Variants in WWOX observed in about 807,000 individuals in gnomAD.
The protein encoded by WWOX is WW domain containing oxidoreductase, also known as WW domain-containing oxidoreductase.
Under a neutral mutation model 46.2 loss-of-function variants are expected in WWOX, and 69 were observed. The observed-to-expected ratio is 1.49, with a 90% CI of 1.23 to 1.82. The LOEUF is 1.82. Among genes scored for constraint, WWOX ranks in the 40% most tolerant of loss-of-function variants. The probability of loss-of-function intolerance (pLI) is 0.00; values close to 1 mark genes in which losing one functional copy is unlikely to be tolerated. For missense variants in WWOX, 919 were observed against 542.6 expected (o/e 1.69, Z -6.89); for synonymous variants, 359 against 202.6 (o/e 1.77, Z -6.56).
chr16:78,359,578 T>C lies in WWOX; in HGVS notation c.517-27282T>C, dbSNP rs189908991. ...GAGTTAGAATATGAGTTTTTCAGCA[T>C]CTTATAGCTTATGAGTTAAAGCAAG... On this transcript the variant is annotated intron_variant, in intron 5 of 8. Transcript: ENST00000566780. Among the ~76,000 whole-genome samples the C allele has an allele frequency of 2.0e-5, 3 of 152,344 alleles. No individual in the cohort carries two copies. In the East Asian group the frequency reaches 5.8e-4, roughly 29 times the overall value.
chr16:79,028,727 C>A (rs148515570), intron 8 of WWOX, among the ~76,000 whole-genome samples: 2 of 151,780 alleles, frequency 1.3e-5, no homozygotes, highest in Non-Finnish European at 2.9e-5. Flanking sequence ...CTCTAAACTT[C>A]TTTCCACAAG....
At chr16:78,592,893 G>A (rs779130930) in intron 8 of WWOX, among the ~76,000 whole-genome samples, 2 of 152,150 alleles carry the variant, frequency 1.3e-5, no homozygotes, top group Non-Finnish European at 2.9e-5. Flanking sequence ...AAACGAAAAG[G>A]TGGAGAGGGA....
At chr16:78,887,502 C>G (rs1226078855) in intron 8 of WWOX, among the ~76,000 whole-genome samples, 3 of 142,622 alleles carry the variant, frequency 2.1e-5, no homozygotes, top group Non-Finnish European at 3.1e-5. Context: ...CACACACACA[C>G]ACACACACAC....
chr16:78,816,539 A>G (rs557816250), intron 8 of WWOX, among the ~76,000 whole-genome samples: 1,087 of 100,318 alleles, frequency 0.011, 5 homozygotes, highest in Middle Eastern at 0.026. Flanking sequence ...TTTTGATACA[A>G]TGAGGGGAAA....
chr16:78,857,466 G>C (rs895252712), intron 8 of WWOX, among the ~76,000 whole-genome samples: 1 of 152,126 alleles, frequency 6.6e-6, no homozygotes, highest in Non-Finnish European at 1.5e-5. Context: ...GTAATTCACA[G>C]CCTCATTCCT....
intron 8 of WWOX, among the ~76,000 whole-genome samples, chr16:79,198,150 C>T (rs1297812424): frequency 6.7e-6 from 1 of 149,938 alleles, no homozygotes; most frequent in South Asian, 2.1e-4. Flanking sequence ...CATGGTGAAA[C>T]CCCGTCTCTA....
intron 5 of WWOX, among the ~76,000 whole-genome samples, chr16:78,360,340 C>T (rs111641651): frequency 3.3e-5 from 5 of 152,130 alleles, no homozygotes; most frequent in Non-Finnish European, 7.3e-5. Context: ...AATCCCAGCA[C>T]TTTGGGAGGC....
At chr16:78,444,618 C>T (rs936117624) in intron 8 of WWOX, among the ~76,000 whole-genome samples, 1 of 151,034 alleles carries the variant, frequency 6.6e-6, no homozygotes, top group Non-Finnish European at 1.5e-5. Flanking sequence ...CAAACCTCTG[C>T]CTCCCGGGTT....
intron 8 of WWOX, among the ~76,000 whole-genome samples, chr16:79,007,241 A>G (rs1485410890): frequency 1.3e-5 from 2 of 152,188 alleles, no homozygotes; most frequent in Admixed American, 6.5e-5. Flanking sequence ...GTGAAATAAA[A>G]AAGGTTCTTT....
At chr16:79,164,098 C>T (rs918744138) in intron 8 of WWOX, among the ~76,000 whole-genome samples, 2 of 152,154 alleles carry the variant, frequency 1.3e-5, no homozygotes, top group Non-Finnish European at 2.9e-5. Flanking sequence ...AGCTTTTCCT[C>T]GGTGCCACTT....
chr16:78,649,149 G>T lies in WWOX; in HGVS notation c.1056+216397G>T, dbSNP rs182708692. On this transcript the variant is annotated intron_variant, in intron 8 of 8. Transcript: ENST00000566780. Reference sequence around the variant, plus strand: ...CCACCAAGCCCAGCTAATTTTTTTGGTTTTTTTTGTATTTTAGTAGAGACG... The same window carrying T: ...CCACCAAGCCCAGCTAATTTTTTTGTTTTTTTTTGTATTTTAGTAGAGACG... Among the ~76,000 whole-genome samples the T allele has an allele frequency of 4.5e-3, 676 of 151,332 alleles. 6 individuals carry two copies. The highest frequency in any genetic ancestry group is 0.014 in the African/African-American group (572 of 41,280).
chr16:78,880,423 A>C (rs1381117759), intron 8 of WWOX, among the ~76,000 whole-genome samples: 1 of 152,344 alleles, frequency 6.6e-6, no homozygotes, highest in South Asian at 2.1e-4. Context: ...ATGAGTTACA[A>C]ATCCTCATTC....
intron 8 of WWOX, among the ~76,000 whole-genome samples, chr16:78,615,318 C>G (rs1442354792): frequency 6.6e-6 from 1 of 151,630 alleles, no homozygotes; most frequent in Admixed American, 6.6e-5. Flanking sequence ...TTGCTCTCCT[C>G]TCCGCGACTC....
chr16:78,476,785 T>G (rs1237720924), intron 8 of WWOX, among the ~76,000 whole-genome samples: 1 of 152,134 alleles, frequency 6.6e-6, no homozygotes, highest in Admixed American at 6.6e-5. Context: ...AAGGGCTAAG[T>G]AGCCAACACA....
At chr16:78,901,067 A>G (rs1434095515) in intron 8 of WWOX, among the ~76,000 whole-genome samples, 1 of 152,180 alleles carries the variant, frequency 6.6e-6, no homozygotes, top group African/African-American at 2.4e-5. Flanking sequence ...CTTGTATCAG[A>G]GTTTGCACAC....
chr16:79,037,064 C>T (rs878974418), intron 8 of WWOX, among the ~76,000 whole-genome samples: 1 of 152,186 alleles, frequency 6.6e-6, no homozygotes, highest in African/African-American at 2.4e-5. Context: ...GAATGCAGGG[C>T]TCTTCCTCAG....
At chr16:78,200,837 A>G (rs2036208007) in intron 5 of WWOX, among the ~76,000 whole-genome samples, 1 of 152,156 alleles carries the variant, frequency 6.6e-6, no homozygotes, top group Non-Finnish European at 1.5e-5. Context: ...CTGGAGGGGA[A>G]AACAGGCATC....
chr16:78,870,321 A>G (rs2737282), intron 8 of WWOX, among the ~76,000 whole-genome samples: 46,803 of 151,966 alleles, frequency 0.31, 7,766 homozygotes, highest in East Asian at 0.48. Flanking sequence ...TTTCATTCTA[A>G]GAATCATAAG....
Position 78,931,310 on chromosome 16 carries a change from A to T in WWOX, c.1057-280298A>T, listed in dbSNP as rs536355966. Among the ~76,000 whole-genome samples, 3 of 152,304 alleles carry T rather than the reference A, an allele frequency of 2.0e-5. No individual in the cohort carries two copies. In the East Asian group the frequency reaches 5.8e-4, roughly 29 times the overall value. On this transcript the variant is annotated intron_variant, in intron 8 of 8. Coordinates refer to ENST00000566780, the MANE Select transcript of WWOX (RefSeq NM_016373.4). ...AAGAGAAACTCCCAATCTGAACGGT[A>T]GTCAAAGAAGGTCTTCTTCTCTTTG...
Sources: allele counts gnomAD v4.1 joint callset (sites outside exome capture counted in the v4.1 genomes callset), GRCh38; gene constraint gnomAD v4.1.1; transcripts MANE v1.5; gene names NCBI Gene and HGNC (gene_info 2026-07-23, HGNC 2026-07-21).